The following AFG2A variants were observed in gnomAD, a reference collection of about 807,000 sequenced individuals.
AFG2A encodes the protein ATPase family gene 2 protein homolog A.
At chr4:123,058,818 C>CT in the AFG2A span, among the ~76,000 whole-genome samples, 138,279 of 152,128 alleles carry the variant, frequency 0.91, 63,080 homozygotes, top group East Asian at 0.97. Flanking sequence ...CATTCCGCCC[C>CT]GGCCCCTCCA....
the AFG2A span, chr4:122,979,449 G>A: frequency 6.5e-7 from 1 of 1,535,598 alleles, no homozygotes. Context: ...AAAATTTAGA[G>A]TTCAGGGAGA....
the AFG2A span, among the ~76,000 whole-genome samples, chr4:123,306,871 CA>C: frequency 6.6e-6 from 1 of 152,194 alleles, no homozygotes; most frequent in Non-Finnish European, 1.5e-5. Flanking sequence ...ATAGCAAAAG[CA>C]ATCTTGCTGG....
chr4:123,188,440 G>A, the AFG2A span, among the ~76,000 whole-genome samples: 1 of 152,104 alleles, frequency 6.6e-6, no homozygotes, highest in African/African-American at 2.4e-5. Context: ...TTTCTGCAGT[G>A]TACCCTAAAG....
chr4:123,028,582 C>T, the AFG2A span, among the ~76,000 whole-genome samples: 1 of 152,006 alleles, frequency 6.6e-6, no homozygotes, highest in South Asian at 2.1e-4. Context: ...TGCATGTAAT[C>T]AGCAAATCAT....
chr4:123,269,682 G>A, the AFG2A span, among the ~76,000 whole-genome samples: 6 of 152,170 alleles, frequency 3.9e-5, no homozygotes, highest in Non-Finnish European at 5.9e-5. Flanking sequence ...CAAACATGAA[G>A]CACCAAAATA....
the AFG2A span, among the ~76,000 whole-genome samples, chr4:123,128,622 A>G: frequency 6.6e-6 from 1 of 152,156 alleles, no homozygotes; most frequent in Non-Finnish European, 1.5e-5. Context: ...TAGTGTTAAC[A>G]TTGAATATTC....
chr4:123,245,915 T>C, the AFG2A span, among the ~76,000 whole-genome samples: 77,973 of 152,116 alleles, frequency 0.51, 24,610 homozygotes, highest in Non-Finnish European at 0.67. Flanking sequence ...ACTCAGCAAA[T>C]ATCTGTGGGA....
chr4:123,212,205 A>G, the AFG2A span, among the ~76,000 whole-genome samples: 1 of 152,110 alleles, frequency 6.6e-6, no homozygotes, highest in Non-Finnish European at 1.5e-5. Context: ...GTTTTTAACA[A>G]TCTGTGGGGT....
the AFG2A span, among the ~76,000 whole-genome samples, chr4:123,084,771 G>A: frequency 6.6e-6 from 1 of 151,912 alleles, no homozygotes; most frequent in African/African-American, 2.4e-5. Context: ...TACAACTACA[G>A]ACATGCATCA....
the AFG2A span, among the ~76,000 whole-genome samples, chr4:123,204,201 A>G: frequency 2.8e-4 from 42 of 152,244 alleles, no homozygotes; most frequent in Middle Eastern, 3.4e-3. Flanking sequence ...AAAGTAACAT[A>G]TTTTCAGGTT....
the AFG2A span, among the ~76,000 whole-genome samples, chr4:123,150,732 TA>T: frequency 6.6e-6 from 1 of 152,196 alleles, no homozygotes; most frequent in Non-Finnish European, 1.5e-5. Flanking sequence ...CCCATCAAGC[TA>T]CCATTGACTT....
the AFG2A span, among the ~76,000 whole-genome samples, chr4:123,120,891 T>TA: frequency 6.6e-5 from 10 of 151,666 alleles, no homozygotes; most frequent in Middle Eastern, 0.01. Flanking sequence ...ACTCTGCTTA[T>TA]AAAAAAAAAT....
chr4:123,066,673 T>G, the AFG2A span, among the ~76,000 whole-genome samples: 2 of 152,190 alleles, frequency 1.3e-5, no homozygotes, highest in Non-Finnish European at 1.5e-5. Flanking sequence ...TTAGATATTT[T>G]TAGCCACTAT....
At chr4:123,092,362 T>C in the AFG2A span, among the ~76,000 whole-genome samples, 1 of 152,216 alleles carries the variant, frequency 6.6e-6, no homozygotes, top group African/African-American at 2.4e-5. Context: ...AGCTCTAAAA[T>C]GTCTTAGGAT....
At chr4:123,275,573 T>C in the AFG2A span, among the ~76,000 whole-genome samples, 46 of 152,230 alleles carry the variant, frequency 3.0e-4, no homozygotes, top group South Asian at 7.1e-3. Context: ...GGGGGTTTCA[T>C]GTACAGATCA....
chr4:123,234,207 G>A, the AFG2A span, among the ~76,000 whole-genome samples: 2 of 152,046 alleles, frequency 1.3e-5, no homozygotes, highest in African/African-American at 4.8e-5. Context: ...TCTTGGGATA[G>A]CAGTATGGAA....
At chr4:122,927,088 C>A in the AFG2A span, among the ~76,000 whole-genome samples, 1 of 152,168 alleles carries the variant, frequency 6.6e-6, no homozygotes, top group Admixed American at 6.5e-5. Flanking sequence ...GGCCTGAATT[C>A]TGGACCCCCT....
the AFG2A span, among the ~76,000 whole-genome samples, chr4:123,312,904 T>G: frequency 6.6e-6 from 1 of 152,190 alleles, no homozygotes. Flanking sequence ...AGGAACTCTT[T>G]TCAGTGAGTG....
At chr4:123,074,469 G>A in the AFG2A span, among the ~76,000 whole-genome samples, 6 of 91,114 alleles carry the variant, frequency 6.6e-5, no homozygotes, top group African/African-American at 1.1e-4. Flanking sequence ...GTCACTTTGT[G>A]TATTCATTTG....
Sources: gnomAD v4.1 joint callset for allele counts (sites outside exome capture counted in the v4.1 genomes callset) on GRCh38, gnomAD v4.1.1 for gene constraint, MANE v1.5 for transcripts, NCBI Gene and HGNC (gene_info 2026-07-23, HGNC 2026-07-21) for gene names.